The following PCDHGB2 variants were observed in gnomAD, a reference collection of about 807,000 sequenced individuals.
PCDHGB2 encodes the protein protocadherin gamma-B2.
PCDHGB2 carries 55 observed loss-of-function variants against 59.3 expected under a neutral mutation model. The ratio of observed to expected loss-of-function variants is 0.93; its 90% CI spans 0.75 to 1.16. The LOEUF is 1.16. Among genes scored for constraint, PCDHGB2 ranks in the 50% most tolerant of loss-of-function variants. PCDHGB2 has a pLI of 0.00. For missense variants in PCDHGB2, 1,228 were observed against 1,198.5 expected (o/e 1.02, Z -0.36); for synonymous variants, 516 against 512.0 (o/e 1.01, Z -0.11).
Position 141,370,390 on chromosome 5 carries a change from G to A in PCDHGB2, c.2421+7834G>A, listed in dbSNP as rs765930146. 5.2e-6 allele frequency: 8 copies of A among 1,543,776 alleles called. No homozygotes were observed. In the African/African-American group the frequency reaches 9.7e-5, roughly 19 times the overall value. The stretch of plus-strand genomic sequence containing the variant: ...ATTTAGAAAGGCAAAGGCGCAGAGA[G>A]CGGGATGGGAAATAGCTCCGGATGG... On this transcript the variant is annotated intron_variant, in intron 1 of 3. Transcript: ENST00000522605.
chr5:141,458,922 G>A (rs747489537), intron 1 of PCDHGB2, among the ~76,000 whole-genome samples: 2 of 151,918 alleles, frequency 1.3e-5, no homozygotes, highest in East Asian at 1.9e-4. Flanking sequence ...TTGTGGAGAC[G>A]GGGTCTCACT....
chr5:141,432,362 C>T lies in PCDHGB2; in HGVS notation c.2422-62445C>T. On this transcript the variant is annotated intron_variant, in intron 1 of 3. Transcript: ENST00000522605. The surrounding 1 kb of genome is among the most constrained non-coding windows in gnomAD (Gnocchi z 6.0). ...AGACTTGCAAGTGAAAGTGATGGCG[C>T]GGGACAACGGGCACCCGCCCCTCAG... 2 of 1,614,218 alleles carry T rather than the reference C, an allele frequency of 1.2e-6. No homozygotes were observed. Among genetic ancestry groups the T allele is most frequent in the South Asian group, 2.2e-5 (2 of 91,082 alleles).
At chr5:141,434,265 GA>G (rs2097683598) in intron 1 of PCDHGB2, among the ~76,000 whole-genome samples, 1 of 152,186 alleles carries the variant, frequency 6.6e-6, no homozygotes, top group South Asian at 2.1e-4. Context: ...GGGGGAGGTG[GA>G]AATTAGAGGT....
chr5:141,395,548 G>T (rs869036595), intron 1 of PCDHGB2: 6 of 21,284 alleles, frequency 2.8e-4, no homozygotes, highest in African/African-American at 1.1e-3. Context: ...TTGTTTGTGT[G>T]TGTGTGTGTG....
chr5:141,422,478 G>C, intron 1 of PCDHGB2: 1 of 1,613,914 alleles, frequency 6.2e-7, no homozygotes, highest in Non-Finnish European at 8.5e-7. Flanking sequence ...AGTTGGTCCA[G>C]AGCTACAATA....
At position 141,360,987 on chromosome 5, in the gene PCDHGB2, G is replaced by T; in HGVS notation, c.852G>T (p.Val284=). The part of the protein sequence containing the change: ...NAEITYSFHN[V]DEQVKHFFNL... ...AGATCACCTACTCCTTTCATAATGTGGACGAACAAGTGAAACACTTTTTCA... is the reference window on the plus strand; with the variant it reads ...AGATCACCTACTCCTTTCATAATGTTGACGAACAAGTGAAACACTTTTTCA... The change falls in exon 1 of 4, where the codon GTG becomes GTT. Residue 284 remains valine (V), a synonymous_variant. Transcript: ENST00000522605. 6.2e-7 allele frequency: 1 copy of T among 1,613,592 alleles called. No individual in the cohort carries two copies. Among genetic ancestry groups the T allele is most frequent in the South Asian group, 1.1e-5 (1 of 91,060 alleles).
intron 1 of PCDHGB2, among the ~76,000 whole-genome samples, chr5:141,406,450 G>T (rs2094811564): frequency 6.6e-6 from 1 of 152,194 alleles, no homozygotes; most frequent in South Asian, 2.1e-4. Flanking sequence ...CCATTTCTAT[G>T]ACAGGAAAAC....
At chr5:141,456,453 A>G (rs1395554812) in intron 1 of PCDHGB2, among the ~76,000 whole-genome samples, 1 of 152,190 alleles carries the variant, frequency 6.6e-6, no homozygotes, top group Non-Finnish European at 1.5e-5. Flanking sequence ...GAGTCCAAAT[A>G]TCAATACAAG....
chr5:141,404,585 A>G (rs541341061), intron 1 of PCDHGB2: 2 of 1,614,006 alleles, frequency 1.2e-6, no homozygotes, highest in East Asian at 2.2e-5. Context: ...ACTTAGCAGC[A>G]ATGTGTCATT....
intron 2 of PCDHGB2, among the ~76,000 whole-genome samples, chr5:141,495,645 C>T (rs2099762719): frequency 6.6e-6 from 1 of 152,208 alleles, no homozygotes; most frequent in South Asian, 2.1e-4. Context: ...CATTTGTCTA[C>T]TTGCATTGAT....
intron 1 of PCDHGB2, among the ~76,000 whole-genome samples, chr5:141,436,424 T>C (rs2154557109): frequency 6.6e-6 from 1 of 152,322 alleles, no homozygotes; most frequent in Middle Eastern, 3.4e-3. Context: ...AAACAAATAA[T>C]GTACTCTGGG....
intron 1 of PCDHGB2, chr5:141,393,960 G>T: frequency 6.2e-7 from 1 of 1,613,944 alleles, no homozygotes; most frequent in South Asian, 1.1e-5. Context: ...TGGTCAAGTT[G>T]TCTGTTACAC....
At chr5:141,375,071 A>T in intron 1 of PCDHGB2, 1 of 1,614,046 alleles carries the variant, frequency 6.2e-7, no homozygotes, top group Non-Finnish European at 8.5e-7. Context: ...TCTTCGAGAC[A>T]GAGCGAAAGT....
chr5:141,490,009 A>T lies in PCDHGB2; in HGVS notation c.2422-4798A>T. Reference sequence around the variant, plus strand: ...TGTGGGAATCCCAGAGAATGCACCCATTGGTACTCTGCTGCTCCGCCTCAA... The same window carrying T: ...TGTGGGAATCCCAGAGAATGCACCCTTTGGTACTCTGCTGCTCCGCCTCAA... On this transcript the variant is annotated intron_variant, in intron 1 of 3. Transcript: ENST00000522605. The surrounding 1 kb of genome is among the most constrained non-coding windows in gnomAD (Gnocchi z 5.4). 5 of 1,614,214 alleles carry T rather than the reference A, an allele frequency of 3.1e-6. No individual in the cohort carries two copies. The highest frequency in any genetic ancestry group is 4.2e-6 in the Non-Finnish European group (5 of 1,180,032).
chr5:141,364,059 A>G (rs951709303), intron 1 of PCDHGB2, among the ~76,000 whole-genome samples: 1 of 152,254 alleles, frequency 6.6e-6, no homozygotes, highest in African/African-American at 2.4e-5. Flanking sequence ...AAATAAAATT[A>G]TAACTAAACT....
chr5:141,490,042 G>C lies in PCDHGB2; in HGVS notation c.2422-4765G>C. 1 of 1,614,266 alleles carries C rather than the reference G, an allele frequency of 6.2e-7. No individual in the cohort carries two copies. Among genetic ancestry groups the C allele is most frequent in the Non-Finnish European group, 8.5e-7 (1 of 1,180,038 alleles). The stretch of plus-strand genomic sequence containing the variant: ...TCTGCTGCTCCGCCTCAATGCCACT[G>C]ATCCAGACGAGGGCACCAACGGCCA... On this transcript the variant is annotated intron_variant, in intron 1 of 3. Coordinates refer to ENST00000522605, the MANE Select transcript of PCDHGB2 (RefSeq NM_018923.3). This position sits in a 1 kb window ranked among gnomAD's most constrained non-coding sequence, Gnocchi z 5.4.
At chr5:141,405,008 G>A in intron 1 of PCDHGB2, 1 of 1,614,000 alleles carries the variant, frequency 6.2e-7, no homozygotes, top group Non-Finnish European at 8.5e-7. Context: ...AGACCTGGAG[G>A]CCTCAGACCT....
chr5:141,394,317 T>C, intron 1 of PCDHGB2: 1 of 1,613,972 alleles, frequency 6.2e-7, no homozygotes, highest in Non-Finnish European at 8.5e-7. Flanking sequence ...GGCGCCCCTG[T>C]CCTCGTATAT....
intron 1 of PCDHGB2, among the ~76,000 whole-genome samples, chr5:141,450,826 A>ATT (rs764729742): frequency 0.025 from 3,390 of 134,266 alleles, 60 homozygotes; most frequent in Middle Eastern, 0.057. Flanking sequence ...TATTATTATT[A>ATT]TTATTTTTTT....
Sources: allele counts gnomAD v4.1 joint callset (sites outside exome capture counted in the v4.1 genomes callset), GRCh38; gene constraint gnomAD v4.1.1; non-coding constraint Gnocchi (gnomAD v3.1); transcripts MANE v1.5; gene names NCBI Gene and HGNC (gene_info 2026-07-23, HGNC 2026-07-21).